Variants in LTBP2 observed in about 807,000 individuals in gnomAD.
LTBP2 encodes latent transforming growth factor beta binding protein 2.
A neutral mutation model predicts 210.6 loss-of-function variants in LTBP2; 103 were observed. That is an observed-to-expected ratio of 0.49 (90% CI 0.42 to 0.58). The LOEUF (loss-of-function observed/expected upper bound fraction) is 0.58, where lower values mean the gene tolerates loss of function less well. LTBP2 is among the 20% of genes least tolerant of loss of function. LTBP2 has a pLI of 0.00. For missense variants in LTBP2, 2,313 were observed against 2,494.5 expected (o/e 0.93, Z 1.55); for synonymous variants, 1,007 against 1,015.0 (o/e 0.99, Z 0.15).
chr14:74,510,401 G>A (rs1454216151), intron 19 of LTBP2, among the ~76,000 whole-genome samples, 188 bp from the exon 20 acceptor site: 1 of 152,174 alleles, frequency 6.6e-6, no homozygotes. Flanking sequence ...CCCATCCCCC[G>A]GGCTCACTTC....
At chr14:74,537,160 G>GAA (rs111689700) in intron 8 of LTBP2, among the ~76,000 whole-genome samples, 4,000 of 123,508 alleles carry the variant, frequency 0.032, 179 homozygotes, top group African/African-American at 0.11. Flanking sequence ...ACTTTACAAA[G>GAA]AAAAAAAAAA....
chr14:74,587,214 G>A (rs912639048), intron 2 of LTBP2, among the ~76,000 whole-genome samples: 1 of 152,030 alleles, frequency 6.6e-6, no homozygotes, highest in Admixed American at 6.5e-5. Context: ...CCGCACCCTC[G>A]AAACCCAATG....
intron 3 of LTBP2, among the ~76,000 whole-genome samples, chr14:74,577,034 C>T (rs1179457576): frequency 6.6e-6 from 1 of 152,094 alleles, no homozygotes; most frequent in African/African-American, 2.4e-5. Context: ...GTCACAAGGC[C>T]AGTTAGTAAC....
chr14:74,534,641 T>C (rs1463713180), intron 9 of LTBP2, among the ~76,000 whole-genome samples: 2 of 152,142 alleles, frequency 1.3e-5, no homozygotes, highest in African/African-American at 4.8e-5. Flanking sequence ...CTGTCTGCAC[T>C]TGGGGCAGGA....
At chr14:74,534,096 T>A (rs1010198818) in intron 9 of LTBP2, among the ~76,000 whole-genome samples, 1 of 152,054 alleles carries the variant, frequency 6.6e-6, no homozygotes, top group Non-Finnish European at 1.5e-5. Context: ...AGGGTGCCAA[T>A]AAGAGCTGGG....
At position 74,562,979 on chromosome 14, in the gene LTBP2, T is replaced by C. The variant is rs545850158; in HGVS notation, c.831-7286A>G. Among the ~76,000 whole-genome samples, 5 of 152,296 alleles carry C rather than the reference T, an allele frequency of 3.3e-5. No homozygotes were observed. In the South Asian group the frequency reaches 1.0e-3, roughly 32 times the overall value. ...CTGCCCTGGTCCCCTTTCTGGCTTG[T>C]GTATCTGCAAGTGTAGCAGCTAAAG... On this transcript the variant is annotated intron_variant, in intron 3 of 35. Coordinates refer to ENST00000261978, the MANE Select transcript of LTBP2 (RefSeq NM_000428.3).
intron 1 of LTBP2, among the ~76,000 whole-genome samples, chr14:74,610,769 G>A (rs2088594534): frequency 6.6e-6 from 1 of 152,158 alleles, no homozygotes; most frequent in Admixed American, 6.5e-5. Context: ...GCCCTGCAAC[G>A]CGCCCAAGTC....
rs1006815021 is a variant in LTBP2 at position 74,498,598 on chromosome 14, T to C, written c.*2286A>G. ...TTGTATTTTAAACAAAGGAAATATG[T>C]ATATATGCATACAATATCTCAAGGT... On this transcript the variant is annotated 3_prime_UTR_variant, in exon 36 of 36. Transcript: ENST00000261978. The C allele has an allele frequency of 4.3e-6, 1 of 230,448 alleles. No individual in the cohort carries two copies. The highest frequency in any genetic ancestry group is 6.1e-5 in the East Asian group (1 of 16,286). The allele number at this position is 230,448 out of a possible 1,614,324, so 14.3% of individuals were successfully genotyped here.
intron 3 of LTBP2, among the ~76,000 whole-genome samples, chr14:74,573,813 C>T (rs2088017621): frequency 6.6e-6 from 1 of 152,192 alleles, no homozygotes; most frequent in African/African-American, 2.4e-5. Flanking sequence ...CCTATGTGAG[C>T]CGGCACTTTA....
chr14:74,605,006 G>A (rs1056374245), intron 1 of LTBP2, among the ~76,000 whole-genome samples: 1 of 152,350 alleles, frequency 6.6e-6, no homozygotes, highest in East Asian at 1.9e-4. Context: ...GAGATCTCTA[G>A]GGACTGACTC....
intron 24 of LTBP2, 145 bp downstream of exon 24, chr14:74,508,459 C>T (rs2087020471): frequency 5.5e-6 from 8 of 1,453,170 alleles, no homozygotes; most frequent in Non-Finnish European, 7.4e-6. Flanking sequence ...CTGGGCAGGG[C>T]CGTGAGCACT....
chr14:74,550,994 G>A, intron 7 of LTBP2, 70 bp downstream of exon 7: 1 of 1,568,084 alleles, frequency 6.4e-7, no homozygotes, highest in African/African-American at 1.3e-5. Context: ...CAGAGAGGAG[G>A]AGAAGGGCAG....
intron 3 of LTBP2, among the ~76,000 whole-genome samples, chr14:74,570,258 G>A (rs2087957965): frequency 6.6e-6 from 1 of 152,116 alleles, no homozygotes; most frequent in African/African-American, 2.4e-5. Flanking sequence ...CCAGCTCATG[G>A]CCTTCAGGAC....
Position 74,552,960 on chromosome 14 carries a change from C to T in LTBP2, c.1124G>A (p.Arg375Lys), listed in dbSNP as rs766615638. ...GCTGTACAGGGTGGTGGTGTCGCCC[C>T]TCTCACAGCTGTTGGCACAGTGTCC... ...ARGHCANSCE[R>K]GDTTTLYSQG... Residue 375 changes from arginine to lysine, a missense_variant, in exon 5 of 36, where the codon AGG becomes AAG. Transcript: ENST00000261978. 8.1e-6 allele frequency: 13 copies of T among 1,613,990 alleles called. No individual in the cohort carries two copies. The Admixed American group carries it at 1.8e-4, about 23-fold the overall frequency.
chr14:74,611,647 C>A lies in LTBP2; in HGVS notation c.298G>T (p.Glu100Ter). Residue 100 changes from glutamate (E) to a stop codon, truncating the protein, a stop_gained, in exon 1 of 36, where the codon GAG (glutamate) becomes TAG (stop). Coordinates refer to ENST00000261978, the MANE Select transcript of LTBP2 (RefSeq NM_000428.3). LOFTEE classifies it high-confidence loss of function. ...PGWGSPRRPT[E>*]AEARRPSRAQ... Reference sequence around the variant, plus strand: ...CGGGACGGCCTCCTGGCCTCCGCCTCGGTGGGCCTCCTGGGGCTCCCCCAG... The same window carrying A: ...CGGGACGGCCTCCTGGCCTCCGCCTAGGTGGGCCTCCTGGGGCTCCCCCAG... The A allele has an allele frequency of 6.4e-7, 1 of 1,557,528 alleles. No individual in the cohort carries two copies. Among genetic ancestry groups the A allele is most frequent in the Non-Finnish European group, 8.6e-7 (1 of 1,157,316 alleles).
Position 74,551,349 on chromosome 14 carries a change from G to A in LTBP2, c.1401C>T (p.Ala467=), listed in dbSNP as rs765634761. Residue 467 remains alanine, a splice_region_variant and synonymous_variant, in exon 7 of 36, where the codon GCC becomes GCT. Transcript: ENST00000261978. ...TFTLPLSNQL[A]SVNPSLVKVH... ...CCTTCACCAGGGAGGGGTTCACGGA[G>A]GCTGGGCACAGGGGCTAGAGTCAGA... is the stretch of plus-strand genomic sequence containing the variant. 4 of 1,566,134 alleles carry A rather than the reference G, an allele frequency of 2.6e-6. No homozygotes were observed. The highest frequency in any genetic ancestry group is 2.3e-5 in the East Asian group (1 of 44,048).
intron 8 of LTBP2, among the ~76,000 whole-genome samples, chr14:74,545,478 G>A (rs1048253348): frequency 6.6e-6 from 1 of 152,202 alleles, no homozygotes; most frequent in African/African-American, 2.4e-5. Context: ...GAGGGCCCTG[G>A]GTTCAGAGGT....
rs73296217 is a variant in LTBP2, at chr14:74,503,201, C to T, written c.4888+18G>A. 3.8e-3 allele frequency: 6,181 copies of T among 1,613,450 alleles called. 46 individuals are homozygous for T. Among genetic ancestry groups the T allele is most frequent in the African/African-American group, 0.029 (2,185 of 75,056 alleles). ...GCCTGGCCCAGCCCTGCAGGGTATC[C>T]CCTTTGCTCCCCCTCACCAGAGCTC... On this transcript the variant is annotated intron_variant, in intron 33 of 35. Coordinates refer to ENST00000261978, the MANE Select transcript of LTBP2 (RefSeq NM_000428.3).
rs183126917 is a variant in LTBP2, at chr14:74,605,834, C to T, written c.495-2129G>A. ...GAGTAGGCCCTAAGGGATGTAAGGC[C>T]ACGTGAGGATTGGCCAGAATCAAAG... On this transcript the variant is annotated intron_variant, in intron 1 of 35. Coordinates refer to ENST00000261978, the MANE Select transcript of LTBP2 (RefSeq NM_000428.3). Among the ~76,000 whole-genome samples the T allele has an allele frequency of 1.7e-3, 258 of 152,202 alleles. 2 individuals carry two copies. Among genetic ancestry groups the T allele is most frequent in the African/African-American group, 5.9e-3 (247 of 41,538 alleles).
Sources: gnomAD v4.1 joint callset for allele counts (sites outside exome capture counted in the v4.1 genomes callset) on GRCh38, gnomAD v4.1.1 for gene constraint, MANE v1.5 for transcripts, NCBI Gene and HGNC (gene_info 2026-07-23, HGNC 2026-07-21) for gene names.